The following MAX variants were observed in gnomAD, a reference collection of about 807,000 sequenced individuals.
MAX encodes protein max.
In MAX, 3 loss-of-function variants were observed where a neutral mutation model predicts 22.3. The ratio of observed to expected loss-of-function variants is 0.13; its 90% CI spans 0.06 to 0.35. MAX has a LOEUF of 0.35. MAX is among the 10% of genes least tolerant of loss of function. MAX has a pLI of 1.00. For synonymous variants in MAX, 72 were observed against 77.7 expected (o/e 0.93, Z 0.39); for missense variants, 119 against 209.4 (o/e 0.57, Z 2.66).
downstream of MAX, among the ~76,000 whole-genome samples, chr14:65,070,246 T>C (rs1212706499): frequency 1.3e-5 from 2 of 152,232 alleles, no homozygotes; most frequent in Non-Finnish European, 2.9e-5. This position sits in a 1 kb window ranked among gnomAD's most constrained non-coding sequence, Gnocchi z 4.4. Context: ...CTGTCAGGCT[T>C]GTTTTTCTTG....
rs1400669361 is a variant in MAX at position 65,028,942 on chromosome 14, C to T, written c.172-22658G>A. 6.6e-6 allele frequency among the ~76,000 whole-genome samples: 1 copy of T among 152,166 alleles called. No individual in the cohort carries two copies. Among genetic ancestry groups the T allele is most frequent in the Admixed American group, 6.5e-5 (1 of 15,286 alleles). On this transcript the variant is annotated intron_variant, in intron 3 of 3. Coordinates refer to the MAX transcript ENST00000341653. This position sits in a 1 kb window ranked among gnomAD's most constrained non-coding sequence, Gnocchi z 4.4. ...TTAGGCAAAAGCAAACAAATCATAG[C>T]AAGATCCTTTTGGTATTTTATCATA...
In MAX at chr14:65,032,654, T is replaced by G; in HGVS notation, c.172-26370A>C. On this transcript the variant is annotated intron_variant, in intron 3 of 3. Coordinates refer to the MAX transcript ENST00000341653. The surrounding 1 kb of genome is among the most constrained non-coding windows in gnomAD (Gnocchi z 5.0). ...TCCGTAGCCTCGCTGACCAACATCA[T>G]CACTCCAGACCTCTTTGAGGGCACT... The G allele has an allele frequency of 6.2e-7, 1 of 1,613,942 alleles. No individual in the cohort carries two copies. Among genetic ancestry groups the G allele is most frequent in the Non-Finnish European group, 8.5e-7 (1 of 1,180,006 alleles).
Position 65,009,538 on chromosome 14 carries a change from A to T in MAX, c.172-3254T>A, listed in dbSNP as rs1458623885. On this transcript the variant is annotated intron_variant, in intron 3 of 3. Coordinates refer to the MAX transcript ENST00000341653. The surrounding 1 kb of genome is among the most constrained non-coding windows in gnomAD (Gnocchi z 4.2). The stretch of plus-strand genomic sequence containing the variant: ...CCTATATTTCGCTAGCTTCGTACCC[A>T]TCATTTCTCGCTCAAAGAATGCAGC... Among the ~76,000 whole-genome samples, 1 of 152,006 alleles carries T rather than the reference A, an allele frequency of 6.6e-6. No individual in the cohort carries two copies. The highest frequency in any genetic ancestry group is 1.5e-5 in the Non-Finnish European group (1 of 67,996).
At position 65,082,092 on chromosome 14, in the gene MAX, TGAG is replaced by T. The variant is rs1235275333; in HGVS notation, c.172-4059_172-4057del. The T allele has an allele frequency of 2.6e-5, 4 of 152,170 alleles. No individual in the cohort carries two copies. The highest frequency in any genetic ancestry group is 9.7e-5 in the African/African-American group (4 of 41,424). 9.4% of individuals were successfully genotyped at this position (152,170 alleles called of 1,614,324 possible). A position where few individuals can be genotyped will look rare whatever the true frequency, so the allele number is the denominator to read the frequency against. Reference sequence around the variant, plus strand: ...TCTGATGTTTTCCCTATTTTATAAATGAGGAAACCGAGACACAGAGCTGTAATT... The same window carrying T: ...TCTGATGTTTTCCCTATTTTATAAATGAAACCGAGACACAGAGCTGTAATT... On this transcript the variant is annotated intron_variant, in intron 3 of 4. Transcript: ENST00000358664. The surrounding 1 kb of genome is among the most constrained non-coding windows in gnomAD (Gnocchi z 4.8).
In MAX at chr14:65,007,652, T is replaced by C. The variant is rs1395177194; in HGVS notation, c.172-1368A>G. Reference sequence around the variant, plus strand: ...TCAGTCCCAAGGAGCTTTTTGACCATGCTTTTCATGGTTTTGTTTATTCAT... The same window carrying C: ...TCAGTCCCAAGGAGCTTTTTGACCACGCTTTTCATGGTTTTGTTTATTCAT... On this transcript the variant is annotated intron_variant, in intron 3 of 3. Coordinates refer to the MAX transcript ENST00000341653. This position sits in a 1 kb window ranked among gnomAD's most constrained non-coding sequence, Gnocchi z 4.9. Among the ~76,000 whole-genome samples, 1 of 152,244 alleles carries C rather than the reference T, an allele frequency of 6.6e-6. No homozygotes were observed. Among genetic ancestry groups the C allele is most frequent in the African/African-American group, 2.4e-5 (1 of 41,476 alleles).
chr14:65,022,007 G>A (rs747129875), intron 3 of MAX: 7 of 455,992 alleles, frequency 1.5e-5, no homozygotes, highest in South Asian at 7.7e-5. Context: ...GAGACTTGCC[G>A]GTGCTTGATG....
intron 3 of MAX, chr14:65,083,623 T>A: frequency 4.9e-6 from 3 of 614,192 alleles, no homozygotes; most frequent in Non-Finnish European, 6.2e-6. Context: ...TTAACTCTAC[T>A]GAACACTTTT....
At chr14:65,050,976 A>G (rs1161451865) in intron 3 of MAX, among the ~76,000 whole-genome samples, 1 of 152,252 alleles carries the variant, frequency 6.6e-6, no homozygotes, top group Admixed American at 6.5e-5. Context: ...GTCCCATCAT[A>G]TATGTATGTA....
Position 65,062,447 on chromosome 14 carries a change from C to T in MAX, c.171+31261G>A, listed in dbSNP as rs1439592008. 2.6e-5 allele frequency: 4 copies of T among 152,660 alleles called. No homozygotes were observed. The highest frequency in any genetic ancestry group is 5.9e-5 in the Non-Finnish European group (4 of 68,064). The allele number at this position is 152,660 out of a possible 1,614,324, so 9.5% of individuals were successfully genotyped here. On this transcript the variant is annotated intron_variant, in intron 3 of 3. Coordinates refer to the MAX transcript ENST00000341653. The surrounding 1 kb of genome is among the most constrained non-coding windows in gnomAD (Gnocchi z 4.3). The stretch of plus-strand genomic sequence containing the variant: ...CTGTGCTGCACATTGAGCCCTTTCT[C>T]AGTCAGTGGAGTATCAAGTTGGGCC...
At position 65,054,319 on chromosome 14, in the gene MAX, C is replaced by T. The variant is rs939500640; in HGVS notation, c.171+39389G>A. Among the ~76,000 whole-genome samples the T allele has an allele frequency of 1.3e-4, 19 of 151,986 alleles. No individual in the cohort carries two copies. The East Asian group carries it at 1.8e-3, about 14-fold the overall frequency. ...TAGAGACGGGGTCTCCCATGTTGCC[C>T]AAGTTGGTTTTGAACTCCTGGCCTC... On this transcript the variant is annotated intron_variant, in intron 3 of 3. Coordinates refer to the MAX transcript ENST00000341653. The surrounding 1 kb of genome is among the most constrained non-coding windows in gnomAD (Gnocchi z 4.4).
chr14:65,024,159 G>A (rs1475604315), intron 3 of MAX, among the ~76,000 whole-genome samples: 2 of 151,810 alleles, frequency 1.3e-5, no homozygotes, highest in African/African-American at 4.8e-5. Flanking sequence ...AATTAGAGCT[G>A]CAGTTTAGCA....
At chr14:65,026,872 A>AG (rs1405006287) in intron 3 of MAX, among the ~76,000 whole-genome samples, 3 of 152,018 alleles carry the variant, frequency 2.0e-5, no homozygotes, top group Non-Finnish European at 4.4e-5. Flanking sequence ...AAAAAAAAAA[A>AG]CAAAAAAACA....
At position 65,054,697 on chromosome 14, in the gene MAX, G is replaced by C; in HGVS notation, c.171+39011C>G. ...GTGCCCGAAAACGCTCTGGTAAGAC[G>C]GGTGCAGGGCTTCACACCCCTTCTC... On this transcript the variant is annotated intron_variant, in intron 3 of 3. Transcript: ENST00000341653. The surrounding 1 kb of genome is among the most constrained non-coding windows in gnomAD (Gnocchi z 4.4). 6.2e-7 allele frequency: 1 copy of C among 1,600,672 alleles called. No individual in the cohort carries two copies. Among genetic ancestry groups the C allele is most frequent in the Non-Finnish European group, 8.5e-7 (1 of 1,173,572 alleles).
At chr14:65,024,122 G>A (rs2061937488) in intron 3 of MAX, among the ~76,000 whole-genome samples, 1 of 151,492 alleles carries the variant, frequency 6.6e-6, no homozygotes, top group South Asian at 2.1e-4. Context: ...AAAAAAAGAG[G>A]ACTCTCAGAC....
chr14:65,094,248 G>C, intron 2 of MAX: 1 of 244,632 alleles, frequency 4.1e-6, no homozygotes, highest in Non-Finnish European at 8.2e-6. Flanking sequence ...GGTGTCCAGG[G>C]GAAGAAAGAG....
rs180947107 is a variant in MAX, at chr14:65,037,776, A to G, written c.172-31492T>C. On this transcript the variant is annotated intron_variant, in intron 3 of 3. Coordinates refer to the MAX transcript ENST00000341653. ...TATTTATTTATTTATTTATTTATTT[A>G]TTTATTTATTTATTTATTTATTGAG... Among the ~76,000 whole-genome samples, 107 of 143,018 alleles carry G rather than the reference A, an allele frequency of 7.5e-4. No individual in the cohort carries two copies. The Middle Eastern group carries it at 0.011, about 14-fold the overall frequency. 93.8% of individuals were successfully genotyped at this position (143,018 alleles called of 152,430 possible).
chr14:65,048,016 C>G (rs971262299), intron 3 of MAX, among the ~76,000 whole-genome samples: 12 of 111,062 alleles, frequency 1.1e-4, no homozygotes, highest in African/African-American at 3.9e-4. Context: ...GAGACAGAGT[C>G]TCACTCTGTT....
chr14:65,078,284 C>A lies in MAX; in HGVS notation c.172-248G>T, dbSNP rs2063114031. ...CAGCGTGATCTTGGCTGACAGCAAC[C>A]TCCGCCTCCTGGGTTCAAGTGATTC... is the stretch of plus-strand genomic sequence containing the variant. On this transcript the variant is annotated intron_variant, in intron 3 of 4. Transcript: ENST00000358664. The surrounding 1 kb of genome is among the most constrained non-coding windows in gnomAD (Gnocchi z 6.4). Among the ~76,000 whole-genome samples the A allele has an allele frequency of 6.6e-6, 1 of 152,184 alleles. No individual in the cohort carries two copies. Among genetic ancestry groups the A allele is most frequent in the Admixed American group, 6.5e-5 (1 of 15,286 alleles).
At chr14:65,053,421 C>T in intron 3 of MAX, 3 of 1,227,052 alleles carry the variant, frequency 2.4e-6, no homozygotes, top group Non-Finnish European at 3.1e-6. Context: ...CTCAGGCCTA[C>T]TCAGAGCCAG....
Sources: gnomAD v4.1 joint callset for allele counts (sites outside exome capture counted in the v4.1 genomes callset) on GRCh38, gnomAD v4.1.1 for gene constraint, Gnocchi (gnomAD v3.1) non-coding constraint, MANE v1.5 for transcripts, NCBI Gene and HGNC (gene_info 2026-07-23, HGNC 2026-07-21) for gene names.